ANO8: variants seen among roughly 807,000 people sequenced by gnomAD.
ANO8 encodes anoctamin-8.
A neutral mutation model predicts 120.4 loss-of-function variants in ANO8; 67 were observed. The observed-to-expected ratio is 0.56, with a 90% CI of 0.46 to 0.68. ANO8 has a LOEUF of 0.68. Among genes scored for constraint, ANO8 ranks in the 30% least tolerant of loss-of-function variants. ANO8 has a pLI of 0.00. For synonymous variants in ANO8, 727 were observed against 759.2 expected (o/e 0.96, Z 0.70); for missense variants, 1,526 against 1,737.6 (o/e 0.88, Z 2.16).
chr19:17,328,594 G>T lies in ANO8; in HGVS notation c.1794C>A (p.Asp598Glu). Reference sequence around the variant, plus strand: ...GGCCCCCTTCCTCGCCCTCCTCCTCGTCCTCCTCTTCCTCCTCGTCCTCCT... The same window carrying T: ...GGCCCCCTTCCTCGCCCTCCTCCTCTTCCTCCTCTTCCTCCTCGTCCTCCT... ...EEEEDEEEEE[D>E]EEEGEEGGLL... The change falls in exon 13 of 18, where the codon GAC becomes GAA. Residue 598 changes from aspartate (D) to glutamate (E), a missense_variant. Physicochemically the swap from Asp to Glu is conservative, Grantham distance 45. Transcript: ENST00000159087. 1.3e-6 allele frequency: 2 copies of T among 1,544,276 alleles called. No homozygotes were observed.
chr19:17,324,813 G>A lies in ANO8; in HGVS notation c.3235C>T (p.Pro1079Ser). 6.2e-7 allele frequency: 1 copy of A among 1,604,188 alleles called. No individual in the cohort carries two copies. The highest frequency in any genetic ancestry group is 8.5e-7 in the Non-Finnish European group (1 of 1,175,062). Reference sequence around the variant, plus strand: ...TGAACCCGGCTGCTGCCACTGCTGGGGGTCCCATCTGGCCGGGCCTGCCCG... The same window carrying A: ...TGAACCCGGCTGCTGCCACTGCTGGAGGTCCCATCTGGCCGGGCCTGCCCG... ...AGGQARPDGT[P>S]SSGSSRVQRS... The change falls in exon 17 of 18, where the codon CCC (proline) becomes TCC (serine). Residue 1079 changes from proline (P) to serine (S), a missense_variant. Around this residue, in one of 8 missense-constraint regions of ANO8, gnomAD observed 489 missense variants for 548.6 expected, o/e 0.89. Coordinates refer to ENST00000159087, the MANE Select transcript of ANO8 (RefSeq NM_020959.3).
rs1314478244 is a variant in ANO8, at chr19:17,328,522, G to A, written c.1866C>T (p.Arg622=). 2 of 1,551,134 alleles carry A rather than the reference G, an allele frequency of 1.3e-6. No individual in the cohort carries two copies. The highest frequency in any genetic ancestry group is 1.7e-6 in the Non-Finnish European group (2 of 1,149,418). ...GGCCGGGCCGACGCCGCCCCGCGCC[G>A]CGCTCAGCGAAGCTGACCTTCTTCA... The part of the protein sequence containing the change: ...LRLKKVSFAE[R]GAGRRRPGPS... Residue 622 remains arginine, a synonymous_variant, in exon 13 of 18, where the codon CGC becomes CGT. Coordinates refer to ENST00000159087, the MANE Select transcript of ANO8 (RefSeq NM_020959.3).
At chr19:17,329,061 G>C in intron 12 of ANO8, 78 bp from the exon 13 acceptor site, 2 of 1,206,400 alleles carry the variant, frequency 1.7e-6, no homozygotes, top group Non-Finnish European at 2.2e-6. Flanking sequence ...ACCCTCCCTG[G>C]GCGCCCCGCC....
chr19:17,325,121 A>G lies in ANO8; in HGVS notation c.2927T>C (p.Met976Thr), dbSNP rs750052693. The change falls in exon 17 of 18, where the codon ATG (methionine) becomes ACG (threonine). Residue 976 changes from methionine (M) to threonine (T), a missense_variant. By Grantham distance (81) the Met-to-Thr change is moderately conservative. Around this residue, in one of 8 missense-constraint regions of ANO8, gnomAD observed 489 missense variants for 548.6 expected, o/e 0.89. Coordinates refer to ENST00000159087, the MANE Select transcript of ANO8 (RefSeq NM_020959.3). The part of the protein sequence containing the change: ...PGSLLAPNNV[M>T]KLKQIIPLQG... Reference sequence around the variant, plus strand: ...CAGTGGGATGATCTGCTTCAACTTCATGACGTTGTTGGGTGCCAGCAGGGA... The same window carrying G: ...CAGTGGGATGATCTGCTTCAACTTCGTGACGTTGTTGGGTGCCAGCAGGGA... 1.4e-5 allele frequency: 22 copies of G among 1,613,662 alleles called. 1 individual carries two copies. In the South Asian group the frequency reaches 2.1e-4, roughly 15 times the overall value.
In ANO8 at chr19:17,327,705, C is replaced by T. The variant is rs1490085228; in HGVS notation, c.2402G>A (p.Ser801Asn). 6.2e-7 allele frequency: 1 copy of T among 1,613,408 alleles called. No individual in the cohort carries two copies. Among genetic ancestry groups the T allele is most frequent in the South Asian group, 1.1e-5 (1 of 91,008 alleles). The change falls in exon 14 of 18, where the codon AGC becomes AAC. Residue 801 changes from serine to asparagine, a missense_variant. By Grantham distance (46) the Ser-to-Asn change is conservative (BLOSUM62 1). Around this residue, in one of 8 missense-constraint regions of ANO8, gnomAD observed 77 missense variants for 131.5 expected, o/e 0.59. Coordinates refer to ENST00000159087, the MANE Select transcript of ANO8 (RefSeq NM_020959.3). Reference protein sequence around the residue: ...LQRPFGQRVESIGQWQKVMEA... With the variant: ...LQRPFGQRVENIGQWQKVMEA... ...TCCCCCCACCTGCCACTGGCCGATGCTTTCCACGCGCTGGCCGAAGGGCCG... is the reference window on the plus strand; with the variant it reads ...TCCCCCCACCTGCCACTGGCCGATGTTTTCCACGCGCTGGCCGAAGGGCCG...
chr19:17,333,109 T>G lies in ANO8; in HGVS notation c.481A>C (p.Thr161Pro). ...CCCAGAGCCGGCCTCACCTGGGAGG[T>G]GAAGAAGCGTAGCTCGCTCTCCACA... The part of the protein sequence containing the change: ...ENVESELRFF[T>P]SQERQSIIRF... The change falls in exon 4 of 18, where the codon ACC becomes CCC. Residue 161 changes from threonine to proline, a missense_variant. Coordinates refer to ENST00000159087, the MANE Select transcript of ANO8 (RefSeq NM_020959.3). The surrounding 1 kb of genome is among the most constrained non-coding windows in gnomAD (Gnocchi z 7.2). 1.2e-6 allele frequency: 2 copies of G among 1,613,814 alleles called. No homozygotes were observed. Among genetic ancestry groups the G allele is most frequent in the Non-Finnish European group, 1.7e-6 (2 of 1,179,922 alleles).
chr19:17,327,410 C>T, intron 15 of ANO8, 28 bp downstream of exon 15: 1 of 1,577,372 alleles, frequency 6.3e-7, no homozygotes, highest in Middle Eastern at 1.7e-4. Context: ...CGCCTCCCAG[C>T]TGCCCCCGCC....
chr19:17,324,737 C>G lies in ANO8; in HGVS notation c.3311G>C (p.Arg1104Pro). 1.3e-6 allele frequency: 2 copies of G among 1,528,102 alleles called. No individual in the cohort carries two copies. The allele number at this position is 1,528,102 out of a possible 1,614,324, so 94.7% of individuals were successfully genotyped here. ...GTGACCTGAGCCTTCCTCTTCGGGC[C>G]GGGGGGCTTCCAGCTCCTCAGCCAG... Reference protein sequence around the residue: ...EALAEELEAPRPEEEGSGTAL... With the variant: ...EALAEELEAPPPEEEGSGTAL... The change falls in exon 17 of 18, where the codon CGG becomes CCG. Residue 1104 changes from arginine (R) to proline (P), a missense_variant. Coordinates refer to ENST00000159087, the MANE Select transcript of ANO8 (RefSeq NM_020959.3).
intron 1 of ANO8, 65 bp downstream of exon 1, chr19:17,334,500 C>T (rs1383459977): frequency 2.3e-6 from 3 of 1,330,584 alleles, no homozygotes; most frequent in African/African-American, 1.5e-5. Flanking sequence ...TCCTCCTCCC[C>T]GTGTAGTTGA....
rs2074346204 is a variant in ANO8 at position 17,334,461 on chromosome 19, ACAC to A, written c.106+101_106+103del. The A allele has an allele frequency of 4.7e-6, 5 of 1,066,784 alleles. No individual in the cohort carries two copies. The East Asian group carries it at 1.6e-4, about 34-fold the overall frequency. 66.1% of individuals were successfully genotyped at this position (1,066,784 alleles called of 1,614,324 possible). A position where few individuals can be genotyped will look rare whatever the true frequency, so the allele number is the denominator to read the frequency against. Reference sequence around the variant, plus strand: ...CGGGAGGAGCCGGCCCCTCGTCCAGACACCACGCCAGGTTACGTTTGACCCTGA... The same window carrying A: ...CGGGAGGAGCCGGCCCCTCGTCCAGACACGCCAGGTTACGTTTGACCCTGA... On this transcript the variant is annotated intron_variant, in intron 1 of 17. Coordinates refer to ENST00000159087, the MANE Select transcript of ANO8 (RefSeq NM_020959.3).
At chr19:17,332,522 C>T (rs1296214552) in intron 5 of ANO8, among the ~76,000 whole-genome samples, 1 of 152,136 alleles carries the variant, frequency 6.6e-6, no homozygotes, top group Admixed American at 6.6e-5. Flanking sequence ...CGCCCAGAGC[C>T]GCACCACTCT....
At position 17,324,047 on chromosome 19, in the gene ANO8, G is replaced by A. The variant is rs2074256844; in HGVS notation, c.3332-163C>T. Among the ~76,000 whole-genome samples the A allele has an allele frequency of 2.5e-5, 3 of 118,510 alleles. No individual in the cohort carries two copies. In the South Asian group the frequency reaches 8.8e-4, roughly 35 times the overall value. The allele number at this position is 118,510 out of a possible 152,430, so 77.7% of individuals were successfully genotyped here. On this transcript the variant is annotated intron_variant, in intron 17 of 17. Coordinates refer to ENST00000159087, the MANE Select transcript of ANO8 (RefSeq NM_020959.3). ...GGCGGCCCCCTGGGCGGCTTCCGGT[G>A]CATACCCTGCCTCTGGGCACGGCCC...
chr19:17,325,173 C>G lies in ANO8; in HGVS notation c.2875G>C (p.Gly959Arg). 1 of 1,613,232 alleles carries G rather than the reference C, an allele frequency of 6.2e-7. No individual in the cohort carries two copies. The highest frequency in any genetic ancestry group is 8.5e-7 in the Non-Finnish European group (1 of 1,179,848). Residue 959 changes from glycine (G) to arginine (R), a missense_variant, in exon 17 of 18, where the codon GGG (glycine) becomes CGG (arginine). Around this residue, in one of 8 missense-constraint regions of ANO8, gnomAD observed 489 missense variants for 548.6 expected, o/e 0.89. Coordinates refer to ENST00000159087, the MANE Select transcript of ANO8 (RefSeq NM_020959.3). ...KAKGSTAGGH[G>R]PERPKRPGSL... ...CCTGGGCGCTTGGGCCGTTCAGGCC[C>G]GTGGCCACCCGCAGTGCTGCCCTTG...
chr19:17,328,400 G>C lies in ANO8; in HGVS notation c.1988C>G (p.Ala663Gly). The stretch of plus-strand genomic sequence containing the variant: ...TTCAGGGCTGCCGGGAGCCCCCTCC[G>C]CCTCGTCGTCCTCCTCGGCCAGGGT... ...VFTLAEEDDEAEGAPGSPERE... is the reference protein window; with the variant it reads ...VFTLAEEDDEGEGAPGSPERE... The change falls in exon 13 of 18, where the codon GCG becomes GGG. Residue 663 changes from alanine (A) to glycine (G), a missense_variant. Ala to Gly is a moderately conservative substitution (Grantham distance 60, BLOSUM62 0). This residue lies in a region of ANO8 where 467 missense variants were observed against 425.8 expected (regional missense o/e 1.10). Coordinates refer to ENST00000159087, the MANE Select transcript of ANO8 (RefSeq NM_020959.3). 1 of 1,571,276 alleles carries C rather than the reference G, an allele frequency of 6.4e-7. No homozygotes were observed. Among genetic ancestry groups the C allele is most frequent in the Non-Finnish European group, 8.6e-7 (1 of 1,163,972 alleles).
In ANO8 at chr19:17,323,450, T is replaced by C. The variant is rs2074250862; in HGVS notation, c.*67A>G. 1 of 1,278,418 alleles carries C rather than the reference T, an allele frequency of 7.8e-7. No individual in the cohort carries two copies. The highest frequency in any genetic ancestry group is 2.9e-5 in the East Asian group (1 of 34,872). The allele number at this position is 1,278,418 out of a possible 1,614,324, so 79.2% of individuals were successfully genotyped here. A position where few individuals can be genotyped will look rare whatever the true frequency, so the allele number is the denominator to read the frequency against. On this transcript the variant is annotated 3_prime_UTR_variant, in exon 18 of 18. Transcript: ENST00000159087. The stretch of plus-strand genomic sequence containing the variant: ...CGGGGGCTGAAGCGCATTTTGCATT[T>C]TGGAGACCGGCCGCCCCTGTGAATG...
chr19:17,325,194 C>T lies in ANO8; in HGVS notation c.2854G>A (p.Gly952Ser), dbSNP rs1277548751. Residue 952 changes from glycine to serine, a missense_variant, in exon 17 of 18, where the codon GGC becomes AGC. Transcript: ENST00000159087. ...GGCCCGTGGCCACCCGCAGTGCTGC[C>T]CTTGGCCTTGGCAGAGGCCTTCTCG... is the stretch of plus-strand genomic sequence containing the variant. Reference protein sequence around the residue: ...SSEKASAKAKGSTAGGHGPER... With the variant: ...SSEKASAKAKSSTAGGHGPER... 25 of 1,612,754 alleles carry T rather than the reference C, an allele frequency of 1.6e-5. No homozygotes were observed. The highest frequency in any genetic ancestry group is 2.0e-5 in the Non-Finnish European group (24 of 1,179,784).
chr19:17,330,655 C>G (rs2074311003), intron 8 of ANO8, 151 bp from the exon 9 acceptor site: 7 of 1,393,870 alleles, frequency 5.0e-6, no homozygotes, highest in Non-Finnish European at 6.7e-6. Flanking sequence ...CCCAGTCCCT[C>G]AAATCCAACT....
chr19:17,333,417 C>G lies in ANO8; in HGVS notation c.350+5G>C. The G allele has an allele frequency of 6.2e-7, 1 of 1,613,792 alleles. No individual in the cohort carries two copies. Among genetic ancestry groups the G allele is most frequent in the Non-Finnish European group, 8.5e-7 (1 of 1,180,006 alleles). ...TCAGCGAGAGGCCAGGGACAGGGGA[C>G]TCGCCTCTCATACGTGGCGGTGACA... is the stretch of plus-strand genomic sequence containing the variant. On this transcript the variant is annotated splice_donor_5th_base_variant and intron_variant, in intron 3 of 17. Coordinates refer to ENST00000159087, the MANE Select transcript of ANO8 (RefSeq NM_020959.3). The surrounding 1 kb of genome is among the most constrained non-coding windows in gnomAD (Gnocchi z 7.2).
At position 17,330,856 on chromosome 19, in the gene ANO8, G is replaced by T. The variant is rs775053553; in HGVS notation, c.965C>A (p.Ala322Asp). 2 of 1,613,976 alleles carry T rather than the reference G, an allele frequency of 1.2e-6. No homozygotes were observed. The highest frequency in any genetic ancestry group is 1.7e-6 in the Non-Finnish European group (2 of 1,180,014). The stretch of plus-strand genomic sequence containing the variant: ...GAACTGGGGGCGTGGCTCCTCCACG[G>T]CTTCCCCAGGTGAGTCCAGCGTCCC... ...KWGTLDSPGE[A>D]VEEPRPQFRG... Residue 322 changes from alanine to aspartate, a missense_variant, in exon 8 of 18, where the codon GCC becomes GAC. Around this residue, in one of 8 missense-constraint regions of ANO8, gnomAD observed 322 missense variants for 431.8 expected, o/e 0.75. Coordinates refer to ENST00000159087, the MANE Select transcript of ANO8 (RefSeq NM_020959.3).
Sources: gnomAD v4.1 joint callset for allele counts (sites outside exome capture counted in the v4.1 genomes callset) on GRCh38, gnomAD v4.1.1 for gene constraint, gnomAD v4.1.1 regional missense constraint, Gnocchi (gnomAD v3.1) non-coding constraint, MANE v1.5 for transcripts, NCBI Gene and HGNC (gene_info 2026-07-23, HGNC 2026-07-21) for gene names.